The following BRD2 variants were observed in gnomAD, a reference collection of about 807,000 sequenced individuals.
The protein encoded by BRD2 is bromodomain containing 2.
BRD2 carries 15 observed loss-of-function variants against 79.1 expected under a neutral mutation model. That is an observed-to-expected ratio of 0.19 (90% CI 0.13 to 0.29). The LOEUF is 0.29. Among genes scored for constraint, BRD2 ranks in the 10% least tolerant of loss-of-function variants. The pLI is 1.00. For missense variants in BRD2, 1,053 were observed against 991.3 expected, an observed-to-expected ratio of 1.06 and a Z score of -0.84; for synonymous variants, 488 against 358.6, an observed-to-expected ratio of 1.36 and a Z score of -4.08.
intron 2 of BRD2, 59 bp from the exon 3 acceptor site, chr6:32,974,403 C>T: frequency 7.2e-6 from 11 of 1,533,834 alleles, no homozygotes; most frequent in South Asian, 2.4e-5. Flanking sequence ...GACTATTGTG[C>T]AGATGCACTT....
At chr6:32,973,113 C>T (rs754252649) in intron 2 of BRD2, 186 bp downstream of exon 2, 6 of 1,555,372 alleles carry the variant, frequency 3.9e-6, no homozygotes, top group Non-Finnish European at 5.2e-6. Flanking sequence ...GGCTACTGCT[C>T]GTGGAGGGGA....
Position 32,980,736 on chromosome 6 carries a change from G to A in BRD2, c.*18G>A, listed in dbSNP as rs1273198679. 1.2e-6 allele frequency: 2 copies of A among 1,612,006 alleles called. No individual in the cohort carries two copies. Among genetic ancestry groups the A allele is most frequent in the Non-Finnish European group, 1.7e-6 (2 of 1,180,014 alleles). Reference sequence around the variant, plus strand: ...CAGGCTAAGGGGTCAGGCCAGATGGGGCAGGAAGGCTCCGCAGGACCGGAC... The same window carrying A: ...CAGGCTAAGGGGTCAGGCCAGATGGAGCAGGAAGGCTCCGCAGGACCGGAC... On this transcript the variant is annotated 3_prime_UTR_variant, in exon 13 of 13. Transcript: ENST00000374825.
chr6:32,973,018 C>G, intron 2 of BRD2, 91 bp downstream of exon 2: 1 of 1,612,882 alleles, frequency 6.2e-7, no homozygotes, highest in Non-Finnish European at 8.5e-7. Flanking sequence ...CTGAGCGGCC[C>G]CGGCGCGCTG....
intron 3 of BRD2, 102 bp downstream of exon 3, chr6:32,974,867 C>T: frequency 7.0e-7 from 1 of 1,437,644 alleles, no homozygotes; most frequent in Non-Finnish European, 9.4e-7. Flanking sequence ...TAGGGAGTTC[C>T]CATTTCTCCC....
At chr6:32,970,140 CT>C (rs1260457136) in intron 1 of BRD2, 1 of 152,360 alleles carries the variant, frequency 6.6e-6, no homozygotes, top group Non-Finnish European at 1.5e-5. Flanking sequence ...GGCCGGCCCC[CT>C]GATGGGCCTC....
chr6:32,973,246 C>T, intron 2 of BRD2: 1 of 1,235,726 alleles, frequency 8.1e-7, no homozygotes, highest in Non-Finnish European at 1.1e-6. Flanking sequence ...TTTGGTGGGT[C>T]TGGTATCTAG....
Position 32,977,300 on chromosome 6 carries a change from C to CA in BRD2, c.1201-139dup, listed in dbSNP as rs769864998. On this transcript the variant is annotated intron_variant, in intron 7 of 12. Coordinates refer to ENST00000374825, the MANE Select transcript of BRD2 (RefSeq NM_005104.4). Reference sequence around the variant, plus strand: ...CAACCCACCCAAATTCCTTTGACTTCAAACTTGAACCCCAGGGCACAGATC... The same window carrying CA: ...CAACCCACCCAAATTCCTTTGACTTCAAAACTTGAACCCCAGGGCACAGATC... 2.6e-5 allele frequency: 42 copies of CA among 1,596,676 alleles called. No homozygotes were observed. In the African/African-American group the frequency reaches 5.5e-4, roughly 21 times the overall value.
At chr6:32,977,655 C>T (rs1451328842) in intron 8 of BRD2, 85 bp downstream of exon 8, 1 of 1,601,462 alleles carries the variant, frequency 6.2e-7, no homozygotes. Context: ...ACGTGAGGGT[C>T]TCACTGTTCT....
Position 32,968,665 on chromosome 6 carries a change from G to T in BRD2, c.-1696G>T. The T allele has an allele frequency of 6.5e-6, 1 of 153,528 alleles. No homozygotes were observed. The highest frequency in any genetic ancestry group is 1.9e-4 in the East Asian group (1 of 5,202). The allele number at this position is 153,528 out of a possible 1,614,324, so 9.5% of individuals were successfully genotyped here. On this transcript the variant is annotated 5_prime_UTR_variant, in exon 1 of 13. Coordinates refer to ENST00000374825, the MANE Select transcript of BRD2 (RefSeq NM_005104.4). ...AGTGGGGGGGACAGAGTCCAGGACT[G>T]CGGGATAGGAAGCTGGGGATATGGA...
At position 32,972,187 on chromosome 6, in the gene BRD2, G is replaced by A. The variant is rs925644769; in HGVS notation, c.-712G>A. ...GCCTATATATAAAGGGCTGGCGCGG[G>A]GCTCGGCGGCGCCATTTCGTGCTGG... On this transcript the variant is annotated 5_prime_UTR_variant, in exon 2 of 13. Coordinates refer to ENST00000374825, the MANE Select transcript of BRD2 (RefSeq NM_005104.4). 2.8e-5 allele frequency: 16 copies of A among 561,826 alleles called. No homozygotes were observed. The highest frequency in any genetic ancestry group is 5.7e-5 in the African/African-American group (3 of 52,982). The allele number at this position is 561,826 out of a possible 1,614,324, so 34.8% of individuals were successfully genotyped here.
rs1307603309 is a variant in BRD2, at chr6:32,976,609, A to G, written c.873A>G (p.Thr291=). 1.2e-6 allele frequency: 2 copies of G among 1,610,196 alleles called. No homozygotes were observed. Among genetic ancestry groups the G allele is most frequent in the Non-Finnish European group, 1.7e-6 (2 of 1,179,480 alleles). ...RKADTTTPTP[T]AILAPGSPAS... is the part of the protein sequence containing the mutation. ...CAGATACTACCACCCCTACACCTAC[A>G]GCCATCTTGGCTCCTGGTTCTCCAG... Residue 291 remains threonine, a synonymous_variant, in exon 7 of 13, where the codon ACA becomes ACG. Transcript: ENST00000374825.
At chr6:32,975,007 G>A in intron 3 of BRD2, 1 of 1,526,356 alleles carries the variant, frequency 6.6e-7, no homozygotes, top group Non-Finnish European at 8.8e-7. Context: ...TTGTGCCCTG[G>A]CTCCATTTTA....
chr6:32,977,310 C>T (rs868272391), intron 7 of BRD2, 132 bp from the exon 8 acceptor site: 37 of 1,600,946 alleles, frequency 2.3e-5, no homozygotes, highest in African/African-American at 4.0e-5. Context: ...CAAACTTGAA[C>T]CCCAGGGCAC....
chr6:32,974,578 C>T lies in BRD2; in HGVS notation c.146C>T (p.Ala49Val), dbSNP rs3918144. The stretch of plus-strand genomic sequence containing the variant: ...GAGGGCTTTGAGAGCCCCACAATGG[C>T]TTCGGTGCCTGCTTTGCAACTTACC... ...LYEGFESPTM[A>V]SVPALQLTPA... The change falls in exon 3 of 13, where the codon GCT (alanine) becomes GTT (valine). Residue 49 changes from alanine to valine, a missense_variant. This residue lies in a region of BRD2 where 413 missense variants were observed against 335.1 expected (regional missense o/e 1.23). Transcript: ENST00000374825. 3.1e-6 allele frequency: 5 copies of T among 1,614,240 alleles called. No homozygotes were observed. The highest frequency in any genetic ancestry group is 1.1e-5 in the South Asian group (1 of 91,082).
At chr6:32,973,180 T>A (rs912721271) in intron 2 of BRD2, 2 of 1,535,836 alleles carry the variant, frequency 1.3e-6, no homozygotes, top group African/African-American at 1.4e-5. Flanking sequence ...CTTAACCGAG[T>A]CAGGCAGAGC....
chr6:32,971,803 G>GA lies in BRD2; in HGVS notation c.-1094dup. The GA allele has an allele frequency of 1.6e-6, 1 of 638,300 alleles. No homozygotes were observed. The highest frequency in any genetic ancestry group is 2.8e-6 in the Non-Finnish European group (1 of 355,996). The allele number at this position is 638,300 out of a possible 1,614,324, so 39.5% of individuals were successfully genotyped here. A position where few individuals can be genotyped will look rare whatever the true frequency, so the allele number is the denominator to read the frequency against. Reference sequence around the variant, plus strand: ...ATGGAAGCTTGGGAAGACTTTGTTGGAAGGGGAGGCGGGGAGAGAGTGCTG... The same window carrying GA: ...ATGGAAGCTTGGGAAGACTTTGTTGGAAAGGGGAGGCGGGGAGAGAGTGCTG... On this transcript the variant is annotated 5_prime_UTR_variant, in exon 2 of 13. An upstream open reading frame in the 5' UTR gains an earlier in-frame stop. Coordinates refer to ENST00000374825, the MANE Select transcript of BRD2 (RefSeq NM_005104.4).
intron 5 of BRD2, 28 bp downstream of exon 5, chr6:32,976,197 G>A (rs750177863): frequency 6.4e-7 from 1 of 1,570,264 alleles, no homozygotes; most frequent in Non-Finnish European, 8.6e-7. Context: ...TTTGCAAATG[G>A]ACAACTAAAG....
chr6:32,975,957 C>T (rs1778687132), intron 4 of BRD2, 74 bp from the exon 5 acceptor site: 7 of 1,504,684 alleles, frequency 4.7e-6, no homozygotes, highest in Non-Finnish European at 6.3e-6. Flanking sequence ...CTGAATGCCT[C>T]TGAGAAAGAT....
Position 32,972,461 on chromosome 6 carries a change from A to G in BRD2, c.-438A>G, listed in dbSNP as rs947724047. ...GCCCTCAAGAGGATTTCAAAGATGGAGGCGGCGGCTCCCTAAACCACTTTT... is the reference window on the plus strand; with the variant it reads ...GCCCTCAAGAGGATTTCAAAGATGGGGGCGGCGGCTCCCTAAACCACTTTT... On this transcript the variant is annotated 5_prime_UTR_variant, in exon 2 of 13. Coordinates refer to ENST00000374825, the MANE Select transcript of BRD2 (RefSeq NM_005104.4). The G allele has an allele frequency of 6.9e-6, 2 of 291,436 alleles. No homozygotes were observed. The allele number at this position is 291,436 out of a possible 1,614,324, so 18.1% of individuals were successfully genotyped here.
Sources: allele counts gnomAD v4.1 joint callset, GRCh38; gene constraint gnomAD v4.1.1; regional missense constraint gnomAD v4.1.1; transcripts MANE v1.5; gene names NCBI Gene and HGNC (gene_info 2026-07-23, HGNC 2026-07-21).